Variants in ISLR2 observed in about 807,000 individuals in gnomAD.
The protein encoded by ISLR2 is immunoglobulin superfamily containing leucine-rich repeat protein 2.
Under a neutral mutation model 25.5 loss-of-function variants are expected in ISLR2, and 16 were observed. The ratio of observed to expected loss-of-function variants is 0.63; its 90% confidence interval spans 0.43 to 0.95. The LOEUF (loss-of-function observed/expected upper bound fraction) is 0.95. Among genes scored for constraint, ISLR2 ranks in the 40% least tolerant of loss-of-function variants. The pLI is 0.00. For missense variants in ISLR2, 883 were observed against 1,030.7 expected (o/e 0.86, Z 1.96); for synonymous variants, 508 against 486.6 (o/e 1.04, Z -0.58).
upstream of ISLR2, chr15:74,126,063 A>G (rs879543767): frequency 1.3e-5 from 2 of 152,190 alleles, no homozygotes; most frequent in Admixed American, 1.3e-4. Flanking sequence ...TGGTTTCTAC[A>G]TATACCCATG....
downstream of ISLR2, among the ~76,000 whole-genome samples, chr15:74,141,428 GA>G (rs2072610313): frequency 6.6e-6 from 1 of 152,196 alleles, no homozygotes; most frequent in African/African-American, 2.4e-5. Context: ...AACTTCGTAA[GA>G]ATTGATCATT....
At chr15:74,137,779 G>A (rs1340109908), downstream of ISLR2, among the ~76,000 whole-genome samples, 2 of 152,034 alleles carry the variant, frequency 1.3e-5, no homozygotes, top group Non-Finnish European at 2.9e-5. Context: ...CTGTCTCTGT[G>A]GGTCTTCCTA....
chr15:74,134,710 C>A lies in ISLR2; in HGVS notation c.1956C>A (p.Leu652=). 6.2e-7 allele frequency: 1 copy of A among 1,614,114 alleles called. No homozygotes were observed. Among genetic ancestry groups the A allele is most frequent in the Non-Finnish European group, 8.5e-7 (1 of 1,180,014 alleles). Residue 652 remains leucine (L), a synonymous_variant, in exon 3 of 3, where the codon CTC becomes CTA. Transcript: ENST00000453268. ...ACTTCGACCCGCGTGCTTCGTACCT[C>A]GAGTCCGAGAAAAGCTACCCGGCAG... The part of the protein sequence containing the change: ...AADFDPRASY[L]ESEKSYPAGG...
rs556503445 is a variant in ISLR2, at chr15:74,133,619, A to G, written c.865A>G (p.Ser289Gly). ...GTVVLEPPVL[S>G]GEDDGVGAEE... ...CGTAGTCTTAGAGCCACCGGTTCTG[A>G]GCGGGGAGGACGACGGGGTTGGGGC... The change falls in exon 3 of 3, where the codon AGC becomes GGC. Residue 289 changes from serine to glycine, a missense_variant. This residue lies in a region of ISLR2 where 612 missense variants were observed against 642.8 expected (regional missense o/e 0.95). Transcript: ENST00000453268. 7 of 1,613,904 alleles carry G rather than the reference A, an allele frequency of 4.3e-6. No homozygotes were observed. In the African/African-American group the frequency reaches 8.0e-5, roughly 18 times the overall value.
chr15:74,117,385 G>C (rs1595938991), intron 2 of ISLR2, among the ~76,000 whole-genome samples: 1 of 152,048 alleles, frequency 6.6e-6, no homozygotes, highest in Non-Finnish European at 1.5e-5. Flanking sequence ...GTTGTTTCCT[G>C]AATACACAAA....
Position 74,134,198 on chromosome 15 carries a change from C to A in ISLR2, c.1444C>A (p.His482Asn). 6.2e-7 allele frequency: 1 copy of A among 1,610,572 alleles called. No individual in the cohort carries two copies. The change falls in exon 3 of 3, where the codon CAC (histidine) becomes AAC (asparagine). Residue 482 changes from histidine (H) to asparagine (N), a missense_variant. Physicochemically the swap from His to Asn is moderately conservative, Grantham distance 68. This residue lies in a region of ISLR2 where 612 missense variants were observed against 642.8 expected (regional missense o/e 0.95). Transcript: ENST00000453268. ...AFNQSAELKP[H>N]VFELGVIALD... ...CAACCAGAGCGCAGAGCTCAAGCCG[C>A]ACGTCTTCGAGCTGGGCGTCATCGC...
rs770260917 is a variant in ISLR2, at chr15:74,134,999, G to A, written c.*7G>A. ...CAGGCAGACGGCAGGCTGAACCTCCGCCCGTCCGGCCCGCCCATTCCCGAC... is the reference window on the plus strand; with the variant it reads ...CAGGCAGACGGCAGGCTGAACCTCCACCCGTCCGGCCCGCCCATTCCCGAC... On this transcript the variant is annotated 3_prime_UTR_variant, in exon 3 of 3. Coordinates refer to ENST00000453268, the MANE Select transcript of ISLR2 (RefSeq NM_020851.3). 3 of 1,607,838 alleles carry A rather than the reference G, an allele frequency of 1.9e-6. No homozygotes were observed. The South Asian group carries it at 3.3e-5, about 18-fold the overall frequency.
downstream of ISLR2, among the ~76,000 whole-genome samples, chr15:74,140,264 T>A (rs2072604661): frequency 6.6e-6 from 1 of 152,104 alleles, no homozygotes; most frequent in African/African-American, 2.4e-5. Context: ...ACCCATGACA[T>A]CAAAATAACA....
chr15:74,140,734 C>G (rs1326421431), downstream of ISLR2, among the ~76,000 whole-genome samples: 1 of 152,166 alleles, frequency 6.6e-6, no homozygotes, highest in Non-Finnish European at 1.5e-5. Flanking sequence ...AGAAATCCTG[C>G]TGGGCAGTTC....
chr15:74,109,257 AG>A (rs1463041960), intron 2 of ISLR2, among the ~76,000 whole-genome samples: 1 of 151,984 alleles, frequency 6.6e-6, no homozygotes, highest in Non-Finnish European at 1.5e-5. Flanking sequence ...GAATAGAGGC[AG>A]GCTTTAAACA....
upstream of ISLR2, chr15:74,128,560 A>C (rs774216248): frequency 8.8e-6 from 4 of 456,664 alleles, no homozygotes; most frequent in South Asian, 6.2e-5. Context: ...GGGTTCCTGC[A>C]GTCCAGGGAA....
chr15:74,114,041 GTC>G (rs2072191169), intron 2 of ISLR2, among the ~76,000 whole-genome samples: 1 of 152,216 alleles, frequency 6.6e-6, no homozygotes, highest in Non-Finnish European at 1.5e-5. Flanking sequence ...CTGAGCAGCA[GTC>G]TCTGTTTCCT....
intron 2 of ISLR2, among the ~76,000 whole-genome samples, chr15:74,113,436 C>G (rs1204167002): frequency 1.3e-5 from 2 of 152,176 alleles, no homozygotes; most frequent in Non-Finnish European, 2.9e-5. Flanking sequence ...CAGGCATGAG[C>G]CACCATGCAC....
chr15:74,112,222 G>A (rs1044168217), intron 2 of ISLR2, among the ~76,000 whole-genome samples: 2 of 152,182 alleles, frequency 1.3e-5, no homozygotes, highest in Admixed American at 6.5e-5. Flanking sequence ...TGGCCAGGCC[G>A]TGTCCTAGGC....
At chr15:74,127,523 G>A (rs1395886425), upstream of ISLR2, 3 of 152,334 alleles carry the variant, frequency 2.0e-5, no homozygotes, top group Admixed American at 2.0e-4. Flanking sequence ...CATAGACTGG[G>A]TGGGCACGGG....
intron 1 of ISLR2, among the ~76,000 whole-genome samples, chr15:74,102,937 A>G (rs1199797950): frequency 6.6e-6 from 1 of 151,556 alleles, no homozygotes; most frequent in Non-Finnish European, 1.5e-5. Flanking sequence ...CCTTCTGAGT[A>G]GCTGGGACTA....
rs1466605879 is a variant in ISLR2 at position 74,135,277 on chromosome 15, A to T, written c.*285A>T. On this transcript the variant is annotated 3_prime_UTR_variant, in exon 3 of 3. Transcript: ENST00000453268. ...AGACTCCACCCGCAGACGGTGGGCG[A>T]TATCTATGTCCCTCCATTCCCGTCG... The T allele has an allele frequency of 9.7e-6, 4 of 411,016 alleles. No homozygotes were observed. In the Admixed American group the frequency reaches 1.1e-4, roughly 11 times the overall value. The allele number at this position is 411,016 out of a possible 1,614,324, so 25.5% of individuals were successfully genotyped here.
In ISLR2 at chr15:74,132,293, CA is replaced by C. The variant is rs1460920457; in HGVS notation, c.-8-453del. ...GTCTGTTTGTATTGTTGTGTGCCTG[CA>C]TGGGCGTGTGTGCGAGTGCTGTGCG... On this transcript the variant is annotated intron_variant, in intron 2 of 2. Coordinates refer to ENST00000453268, the MANE Select transcript of ISLR2 (RefSeq NM_020851.3). The surrounding 1 kb of genome is among the most constrained non-coding windows in gnomAD (Gnocchi z 4.3). Among the ~76,000 whole-genome samples the C allele has an allele frequency of 6.6e-6, 1 of 152,206 alleles. No homozygotes were observed. Among genetic ancestry groups the C allele is most frequent in the Non-Finnish European group, 1.5e-5 (1 of 68,044 alleles).
upstream of ISLR2, among the ~76,000 whole-genome samples, chr15:74,124,214 G>T (rs2072274017): frequency 6.6e-6 from 1 of 150,882 alleles, no homozygotes; most frequent in Non-Finnish European, 1.5e-5. Flanking sequence ...ACAATATTAG[G>T]CTACTCTGAA....
Sources: allele counts gnomAD v4.1 joint callset (sites outside exome capture counted in the v4.1 genomes callset), GRCh38; gene constraint gnomAD v4.1.1; regional missense constraint gnomAD v4.1.1; non-coding constraint Gnocchi (gnomAD v3.1); transcripts MANE v1.5; gene names NCBI Gene and HGNC (gene_info 2026-07-23, HGNC 2026-07-21).